Variants in CDK13 observed in about 807,000 individuals in gnomAD.
The protein encoded by CDK13 is cyclin-dependent kinase 13.
In CDK13, 40 loss-of-function variants were observed where a neutral mutation model predicts 137.6. The observed-to-expected ratio is 0.29, with a 90% CI of 0.23 to 0.38. CDK13 has a LOEUF of 0.38. CDK13 is among the 10% of genes least tolerant of loss of function. The pLI, the probability that CDK13 is intolerant of heterozygous loss-of-function variation, is 1.00. For synonymous variants in CDK13, 869 were observed against 760.1 expected (o/e 1.14, Z -2.36); for missense variants, 1,704 against 1,951.8 (o/e 0.87, Z 2.39).
chr7:39,979,718 G>A (rs145777534), intron 1 of CDK13, among the ~76,000 whole-genome samples: 286 of 152,258 alleles, frequency 1.9e-3, no homozygotes, highest in Admixed American at 3.9e-3. Context: ...GAGGAACTTC[G>A]TAGATATGAT....
intron 5 of CDK13, among the ~76,000 whole-genome samples, chr7:40,003,348 CTGT>C (rs1784734955): frequency 6.6e-6 from 1 of 152,110 alleles, no homozygotes; most frequent in African/African-American, 2.4e-5. Context: ...GATGTCACTT[CTGT>C]TAGTTTTTGT....
intron 11 of CDK13, among the ~76,000 whole-genome samples, chr7:40,082,029 T>G (rs552298403): frequency 3.2e-4 from 49 of 152,364 alleles, no homozygotes; most frequent in Non-Finnish European, 5.7e-4. Context: ...TGATTAATAT[T>G]GCTTATTCTA....
At chr7:39,977,045 A>G (rs998670186) in intron 1 of CDK13, among the ~76,000 whole-genome samples, 2 of 152,180 alleles carry the variant, frequency 1.3e-5, no homozygotes, top group African/African-American at 4.8e-5. Flanking sequence ...ATAAAATGCT[A>G]TGGGAGTTCA....
rs1272295826 is a variant in CDK13, at chr7:39,951,247, C to G, written c.606C>G (p.Arg202=). ...CGGAGCGCAGGCCCCGCCGGGACCG[C>G]CGCAGCAGCAGTGGCCGCAGCAAGG... ...EGSERRPRRD[R]RSSSGRSKER... Residue 202 remains arginine (R), a synonymous_variant, in exon 1 of 14, where the codon CGC becomes CGG. Transcript: ENST00000181839. The G allele has an allele frequency of 6.2e-6, 8 of 1,300,282 alleles. No individual in the cohort carries two copies. The highest frequency in any genetic ancestry group is 6.8e-6 in the Non-Finnish European group (7 of 1,028,738). 80.5% of individuals were successfully genotyped at this position (1,300,282 alleles called of 1,614,324 possible). A position where few individuals can be genotyped will look rare whatever the true frequency, so the allele number is the denominator to read the frequency against.
rs17538370 is a variant in CDK13 at position 40,097,398 on chromosome 7, AAT to A, written c.*2421_*2422del. On this transcript the variant is annotated 3_prime_UTR_variant, in exon 14 of 14. Transcript: ENST00000181839. ...CCCAGATTCAGACATATTATATGAA[AAT>A]ATGTCTTATAATTGATGAAATATGA... is the stretch of plus-strand genomic sequence containing the variant. The A allele has an allele frequency of 1.4e-4, 22 of 152,234 alleles. No individual in the cohort carries two copies. The highest frequency in any genetic ancestry group is 9.6e-4 in the East Asian group (5 of 5,188). 9.4% of individuals were successfully genotyped at this position (152,234 alleles called of 1,614,324 possible).
chr7:40,037,390 T>A (rs568775705), intron 5 of CDK13, among the ~76,000 whole-genome samples: 40 of 152,300 alleles, frequency 2.6e-4, no homozygotes, highest in Middle Eastern at 6.8e-3. Context: ...AGCAAGTTGT[T>A]CTCTTGATGG....
chr7:40,041,307 C>T (rs1785600042), intron 5 of CDK13, among the ~76,000 whole-genome samples: 2 of 152,142 alleles, frequency 1.3e-5, no homozygotes, highest in South Asian at 4.1e-4. Flanking sequence ...GCCTGGGCAA[C>T]AGAGTGAGAC....
At chr7:39,953,191 A>C (rs1787292410) in intron 1 of CDK13, among the ~76,000 whole-genome samples, 5 of 152,206 alleles carry the variant, frequency 3.3e-5, no homozygotes, top group Admixed American at 3.3e-4. Flanking sequence ...TAAGCCAAAA[A>C]AGTTCTATAA....
chr7:39,988,852 C>A (rs1220351626), intron 2 of CDK13, among the ~76,000 whole-genome samples: 1 of 151,824 alleles, frequency 6.6e-6, no homozygotes, highest in Non-Finnish European at 1.5e-5. Context: ...GAGGCCGAGG[C>A]GGGTGGATCA....
At chr7:40,063,214 G>A (rs1412547758) in intron 9 of CDK13, 114 bp downstream of exon 9, 4 of 741,652 alleles carry the variant, frequency 5.4e-6, no homozygotes, top group Non-Finnish European at 9.1e-6. Context: ...TTCTCTGGAG[G>A]GCTTATGACT....
At chr7:39,973,398 A>G (rs112364988) in intron 1 of CDK13, among the ~76,000 whole-genome samples, 14 of 152,246 alleles carry the variant, frequency 9.2e-5, no homozygotes, top group African/African-American at 3.1e-4. Flanking sequence ...GGCCTCCCCA[A>G]ATGCTGGGAT....
At chr7:40,039,763 T>C (rs986793861) in intron 5 of CDK13, among the ~76,000 whole-genome samples, 1 of 152,116 alleles carries the variant, frequency 6.6e-6, no homozygotes, top group Admixed American at 6.6e-5. Flanking sequence ...CTCTGCAGTG[T>C]AAGTTGCAGC....
At chr7:40,085,103 G>A (rs1786756875) in intron 11 of CDK13, among the ~76,000 whole-genome samples, 1 of 152,264 alleles carries the variant, frequency 6.6e-6, no homozygotes, top group African/African-American at 2.4e-5. Context: ...GCTCATGCCT[G>A]TAATCCCAGC....
At chr7:39,960,963 A>C (rs1262743349) in intron 1 of CDK13, among the ~76,000 whole-genome samples, 1 of 152,224 alleles carries the variant, frequency 6.6e-6, no homozygotes, top group Non-Finnish European at 1.5e-5. Flanking sequence ...CAAGATAATT[A>C]AGAAATCAGT....
At chr7:39,963,870 G>A (rs1783807733) in intron 1 of CDK13, among the ~76,000 whole-genome samples, 1 of 152,156 alleles carries the variant, frequency 6.6e-6, no homozygotes, top group African/African-American at 2.4e-5. Context: ...TGCATCTATT[G>A]TGATAATCAT....
At chr7:39,993,172 T>C (rs1175992598) in intron 2 of CDK13, among the ~76,000 whole-genome samples, 1 of 152,202 alleles carries the variant, frequency 6.6e-6, no homozygotes, top group African/African-American at 2.4e-5. Flanking sequence ...GATTTTTTTT[T>C]CCATTGCTGC....
chr7:39,950,618 G>C lies in CDK13; in HGVS notation c.-24G>C. 1.6e-6 allele frequency: 2 copies of C among 1,288,830 alleles called. No individual in the cohort carries two copies. Among genetic ancestry groups the C allele is most frequent in the Non-Finnish European group, 2.0e-6 (2 of 1,018,462 alleles). The allele number at this position is 1,288,830 out of a possible 1,614,324, so 79.8% of individuals were successfully genotyped here. On this transcript the variant is annotated 5_prime_UTR_variant, in exon 1 of 14. Coordinates refer to ENST00000181839, the MANE Select transcript of CDK13 (RefSeq NM_003718.5). ...CCCGGGAGGAGGCCGCACCCGCGCC[G>C]CGCTCTGCGGCTGGCTCTAGGCGAT...
chr7:39,973,113 A>G (rs1784034542), intron 1 of CDK13, among the ~76,000 whole-genome samples: 1 of 152,138 alleles, frequency 6.6e-6, no homozygotes, highest in Admixed American at 6.6e-5. Context: ...AGAAATGTCT[A>G]CATGAATCTC....
At position 39,955,777 on chromosome 7, in the gene CDK13, A is replaced by G. The variant is rs920301771; in HGVS notation, c.1211+3925A>G. The stretch of plus-strand genomic sequence containing the variant: ...TTGGCTAAAAACATTTCTTGAAGAC[A>G]TTAATTACTCTTAGTTATTGGTGGT... On this transcript the variant is annotated intron_variant, in intron 1 of 13. Transcript: ENST00000181839. 3.3e-5 allele frequency among the ~76,000 whole-genome samples: 5 copies of G among 152,158 alleles called. No homozygotes were observed. In the East Asian group the frequency reaches 7.7e-4, roughly 23 times the overall value.
Sources: allele counts gnomAD v4.1 joint callset (sites outside exome capture counted in the v4.1 genomes callset), GRCh38; gene constraint gnomAD v4.1.1; transcripts MANE v1.5; gene names NCBI Gene and HGNC (gene_info 2026-07-23, HGNC 2026-07-21).